The following NINL variants were observed in gnomAD, a reference collection of about 807,000 sequenced individuals.
NINL encodes the protein ninein like.
A neutral mutation model predicts 160.3 loss-of-function variants in NINL; 153 were observed. The observed-to-expected ratio is 0.95, with a 90% CI of 0.84 to 1.09. The LOEUF (loss-of-function observed/expected upper bound fraction) is 1.09. Among genes scored for constraint, NINL ranks in the 50% least tolerant of loss-of-function variants. The pLI is 0.00. For missense variants in NINL, 1,829 were observed against 1,764.0 expected, an observed-to-expected ratio of 1.04 and a Z score of -0.66; for synonymous variants, 800 against 734.8, an observed-to-expected ratio of 1.09 and a Z score of -1.43.
intron 1 of NINL, among the ~76,000 whole-genome samples, chr20:25,582,502 T>TC (rs2065185401): frequency 6.6e-6 from 1 of 152,118 alleles, no homozygotes; most frequent in Admixed American, 6.5e-5. Context: ...AAGTCCAAGT[T>TC]CCTTGGAGAA....
At position 25,476,199 on chromosome 20, in the gene NINL, G is replaced by C. The variant is rs781000050; in HGVS notation, c.3092C>G (p.Pro1031Arg). The change falls in exon 17 of 24, where the codon CCG (proline) becomes CGG (arginine). Residue 1031 changes from proline (P) to arginine (R), a missense_variant. By Grantham distance (103) the Pro-to-Arg change is moderately radical. Coordinates refer to ENST00000278886, the MANE Select transcript of NINL (RefSeq NM_025176.6). ...SLPSHLQLAD[P>R]QGSWQEQLAA... ...AAGCTGCTCCTGCCAGGAACCCTGC[G>C]GGTCTGCGAGCTGGAGGTGGGATGG... The C allele has an allele frequency of 6.2e-7, 1 of 1,614,152 alleles. No homozygotes were observed. Among genetic ancestry groups the C allele is most frequent in the Non-Finnish European group, 8.5e-7 (1 of 1,180,028 alleles).
intron 18 of NINL, among the ~76,000 whole-genome samples, chr20:25,468,638 T>C (rs1306606209): frequency 1.1e-4 from 11 of 104,308 alleles, no homozygotes; most frequent in Admixed American, 5.1e-4. Flanking sequence ...GGCGCCCCCC[T>C]GCCCTGTCCC....
At chr20:25,494,593 A>T (rs1392347401) in intron 10 of NINL, among the ~76,000 whole-genome samples, 2 of 152,218 alleles carry the variant, frequency 1.3e-5, no homozygotes, top group African/African-American at 4.8e-5. Flanking sequence ...AGGAAAGGGC[A>T]CTTGGGAGGT....
chr20:25,545,934 T>C (rs1311025070), intron 1 of NINL, among the ~76,000 whole-genome samples: 1 of 152,100 alleles, frequency 6.6e-6, no homozygotes, highest in African/African-American at 2.4e-5. Flanking sequence ...TCCCTAAGTA[T>C]AATGAGAACC....
rs559133500 is a variant in NINL, at chr20:25,472,068, A to G, written c.3249-1973T>C. The stretch of plus-strand genomic sequence containing the variant: ...AACAAGCAACAAGAAACTATTGACA[A>G]TGATCAGACAGGACCAAACAGAATT... On this transcript the variant is annotated intron_variant, in intron 17 of 23. Transcript: ENST00000278886. 5.9e-5 allele frequency among the ~76,000 whole-genome samples: 9 copies of G among 152,262 alleles called. No individual in the cohort carries two copies. In the South Asian group the frequency reaches 1.9e-3, roughly 32 times the overall value.
chr20:25,583,584 G>A lies in NINL; in HGVS notation c.-12+1871C>T, dbSNP rs539373542. Among the ~76,000 whole-genome samples, 47 of 152,294 alleles carry A rather than the reference G, an allele frequency of 3.1e-4. No homozygotes were observed. In the South Asian group the frequency reaches 7.5e-3, roughly 24 times the overall value. ...AGTGTGGCGATTCCTCAAGGATCTA[G>A]AACCAGAAATAACATTTGACCCGGT... On this transcript the variant is annotated intron_variant, in intron 1 of 23. Coordinates refer to ENST00000278886, the MANE Select transcript of NINL (RefSeq NM_025176.6).
At chr20:25,565,512 C>T (rs1184974882) in intron 1 of NINL, among the ~76,000 whole-genome samples, 1 of 152,144 alleles carries the variant, frequency 6.6e-6, no homozygotes, top group Non-Finnish European at 1.5e-5. Context: ...AACTGAGACT[C>T]ACAGGATTAC....
chr20:25,458,091 A>T (rs2146292626), intron 22 of NINL, among the ~76,000 whole-genome samples: 1 of 152,232 alleles, frequency 6.6e-6, no homozygotes, highest in South Asian at 2.1e-4. Context: ...CCCCTGGAAC[A>T]TGCCAAATAC....
At position 25,476,171 on chromosome 20, in the gene NINL, A is replaced by G; in HGVS notation, c.3120T>C (p.Ala1040=). ...DPQGSWQEQL[A]APEEGETKIA... is the part of the protein sequence containing the mutation. ...TTTTGGTCTCCCCCTCTTCTGGGGC[A>G]GCAAGCTGCTCCTGCCAGGAACCCT... Residue 1040 remains alanine (A), a synonymous_variant, in exon 17 of 24, where the codon GCT becomes GCC. Coordinates refer to ENST00000278886, the MANE Select transcript of NINL (RefSeq NM_025176.6). 6.2e-7 allele frequency: 1 copy of G among 1,614,138 alleles called. No individual in the cohort carries two copies. The highest frequency in any genetic ancestry group is 8.5e-7 in the Non-Finnish European group (1 of 1,180,036).
In NINL at chr20:25,479,011, C is replaced by T. The variant is rs374042520; in HGVS notation, c.2113G>A (p.Glu705Lys). 9.3e-6 allele frequency: 15 copies of T among 1,608,432 alleles called. No homozygotes were observed. Among genetic ancestry groups the T allele is most frequent in the Admixed American group, 8.3e-5 (5 of 59,974 alleles). Reference sequence around the variant, plus strand: ...GGTGCCAGGCCCATCTGCTCAGGCTCGGGGCCGCGGGCTGTGTCCTGCAGC... The same window carrying T: ...GGTGCCAGGCCCATCTGCTCAGGCTTGGGGCCGCGGGCTGTGTCCTGCAGC... The part of the protein sequence containing the change: ...EQLQDTARGP[E>K]PEQMGLAPCC... The change falls in exon 16 of 24, where the codon GAG becomes AAG. Residue 705 changes from glutamate to lysine, a missense_variant. Transcript: ENST00000278886.
At chr20:25,473,429 A>G (rs1193352265) in intron 17 of NINL, among the ~76,000 whole-genome samples, 2 of 151,728 alleles carry the variant, frequency 1.3e-5, no homozygotes, top group African/African-American at 4.8e-5. Context: ...CAGCCTGGGC[A>G]AAATAGTGAG....
chr20:25,477,645 G>A (rs138784720), intron 16 of NINL, among the ~76,000 whole-genome samples: 2 of 152,308 alleles, frequency 1.3e-5, no homozygotes, highest in African/African-American at 2.4e-5. Context: ...CAGGGCAAGG[G>A]GAGCAAGGAA....
intron 1 of NINL, among the ~76,000 whole-genome samples, chr20:25,570,893 G>A (rs1184951988): frequency 6.6e-6 from 1 of 151,712 alleles, no homozygotes; most frequent in Non-Finnish European, 1.5e-5. Context: ...TGTAAAGACG[G>A]GGTTTCACCA....
At chr20:25,489,851 C>T in intron 12 of NINL, 24 bp downstream of exon 12, 1 of 1,608,890 alleles carries the variant, frequency 6.2e-7, no homozygotes, top group Non-Finnish European at 8.5e-7. Context: ...CCTCTGGAGG[C>T]AGACTGTCAG....
chr20:25,462,070 A>G (rs1013701244), intron 20 of NINL, among the ~76,000 whole-genome samples: 1 of 152,222 alleles, frequency 6.6e-6, no homozygotes, highest in Non-Finnish European at 1.5e-5. Context: ...TCTCGGGAAC[A>G]TCCCCATCGG....
intron 1 of NINL, among the ~76,000 whole-genome samples, chr20:25,580,646 A>G (rs75200004): frequency 1.6e-4 from 24 of 152,314 alleles, no homozygotes; most frequent in Non-Finnish European, 3.2e-4. Flanking sequence ...CCTAGGTCAA[A>G]AAAGGATGAA....
intron 21 of NINL, among the ~76,000 whole-genome samples, chr20:25,460,186 T>A (rs549286623): frequency 6.6e-6 from 1 of 152,228 alleles, no homozygotes; most frequent in African/African-American, 2.4e-5. Context: ...CCCTCCCACA[T>A]GGAAACGGCA....
intron 1 of NINL, among the ~76,000 whole-genome samples, chr20:25,531,570 CA>C: frequency 6.6e-6 from 1 of 152,278 alleles, no homozygotes. Flanking sequence ...TATGTTCTTC[CA>C]CCATGACTTC....
rs12428 is a variant in NINL, at chr20:25,453,185, A to C, written c.*266T>G. On this transcript the variant is annotated 3_prime_UTR_variant, in exon 24 of 24. Transcript: ENST00000278886. ...GACAGCTCCCAGGATCTGGCTCCAG[A>C]GAGTGGCAAAACTGGGAATTTTGCC... 0.46 allele frequency: 151,431 copies of C among 326,544 alleles called. 37,754 individuals carry two copies. The highest frequency in any genetic ancestry group is 0.91 in the East Asian group (17,654 of 19,300). 20.2% of individuals were successfully genotyped at this position (326,544 alleles called of 1,614,324 possible).
Sources: allele counts gnomAD v4.1 joint callset (sites outside exome capture counted in the v4.1 genomes callset), GRCh38; gene constraint gnomAD v4.1.1; transcripts MANE v1.5; gene names NCBI Gene and HGNC (gene_info 2026-07-23, HGNC 2026-07-21).